The following RUNX2 variants were observed in gnomAD, a reference collection of about 807,000 sequenced individuals.
The protein encoded by RUNX2 is RUNX family transcription factor 2.
In RUNX2, 10 loss-of-function variants were observed where a neutral mutation model predicts 51.7. The ratio of observed to expected loss-of-function variants is 0.19; its 90% CI spans 0.12 to 0.33. The LOEUF is 0.33. RUNX2 is among the 10% of genes least tolerant of loss of function. The pLI is 1.00. For missense variants in RUNX2, 562 were observed against 691.3 expected, an observed-to-expected ratio of 0.81 and a Z score of 2.10; for synonymous variants, 276 against 273.6, an observed-to-expected ratio of 1.01 and a Z score of -0.09.
At chr6:45,517,373 A>T (rs1299600944) in intron 7 of RUNX2, among the ~76,000 whole-genome samples, 1 of 152,054 alleles carries the variant, frequency 6.6e-6, no homozygotes, top group Admixed American at 6.6e-5. Context: ...ACAGGATCTC[A>T]CTATGTTGCC....
chr6:45,471,404 C>CA, intron 5 of RUNX2, among the ~76,000 whole-genome samples: 1 of 151,150 alleles, frequency 6.6e-6, no homozygotes, highest in East Asian at 1.9e-4. Context: ...ATGTAGAACT[C>CA]AAGTGGTACC....
chr6:45,333,232 C>T (rs961116671), intron 2 of RUNX2, among the ~76,000 whole-genome samples: 4 of 151,428 alleles, frequency 2.6e-5, no homozygotes, highest in African/African-American at 7.3e-5. Flanking sequence ...TAATGTGTTA[C>T]GATTCAAAAA....
chr6:45,528,068 G>A (rs1801725874), intron 7 of RUNX2, among the ~76,000 whole-genome samples: 1 of 152,080 alleles, frequency 6.6e-6, no homozygotes, highest in Admixed American at 6.5e-5. Flanking sequence ...TGTGTACAGG[G>A]GGCAGGGGAA....
At chr6:45,394,456 C>A (rs1171176116) in intron 2 of RUNX2, among the ~76,000 whole-genome samples, 1 of 152,202 alleles carries the variant, frequency 6.6e-6, no homozygotes, top group African/African-American at 2.4e-5. Flanking sequence ...TCCCTAGAGA[C>A]TCCTTTTTAA....
At chr6:45,415,395 C>T (rs1438629008) in intron 2 of RUNX2, among the ~76,000 whole-genome samples, 3 of 152,208 alleles carry the variant, frequency 2.0e-5, no homozygotes, top group Non-Finnish European at 4.4e-5. Context: ...CCCTGCACAG[C>T]CTTGGCTCCC....
intron 5 of RUNX2, among the ~76,000 whole-genome samples, chr6:45,450,739 T>C (rs1799145387): frequency 6.6e-6 from 1 of 152,124 alleles, no homozygotes; most frequent in South Asian, 2.1e-4. Flanking sequence ...AGGCAAAAGG[T>C]ACATTGTGTG....
At position 45,422,963 on chromosome 6, in the gene RUNX2, A is replaced by G; in HGVS notation, c.423+6A>G. On this transcript the variant is annotated splice_donor_region_variant and intron_variant, in intron 3 of 8. Transcript: ENST00000647337. ...CCCTGCCCGTGGCCTTCAAGGTAAGAGGCTACACCGCCCCCCGCCCCCGGC... is the reference window on the plus strand; with the variant it reads ...CCCTGCCCGTGGCCTTCAAGGTAAGGGGCTACACCGCCCCCCGCCCCCGGC... 1 of 1,608,906 alleles carries G rather than the reference A, an allele frequency of 6.2e-7. No individual in the cohort carries two copies. Among genetic ancestry groups the G allele is most frequent in the South Asian group, 1.1e-5 (1 of 90,962 alleles).
At chr6:45,368,814 T>C (rs752123854) in intron 2 of RUNX2, among the ~76,000 whole-genome samples, 3 of 152,134 alleles carry the variant, frequency 2.0e-5, no homozygotes, top group Admixed American at 6.6e-5. Flanking sequence ...TATAAATTAA[T>C]AGAAAACTTT....
At chr6:45,334,264 T>C (rs1788094496) in intron 2 of RUNX2, among the ~76,000 whole-genome samples, 1 of 151,204 alleles carries the variant, frequency 6.6e-6, no homozygotes, top group African/African-American at 2.4e-5. Context: ...ACATCAATGA[T>C]GTCTACCAGA....
intron 5 of RUNX2, among the ~76,000 whole-genome samples, chr6:45,486,727 T>A (rs1307786937): frequency 6.6e-6 from 1 of 152,140 alleles, no homozygotes; most frequent in Non-Finnish European, 1.5e-5. Context: ...CATCAGGTTG[T>A]GGATATAATA....
chr6:45,436,605 A>G (rs1798693172), intron 4 of RUNX2, among the ~76,000 whole-genome samples: 1 of 152,174 alleles, frequency 6.6e-6, no homozygotes, highest in Non-Finnish European at 1.5e-5. Flanking sequence ...AAGGAGACTT[A>G]AAACTATTTA....
chr6:45,454,344 T>C (rs1799261136), intron 5 of RUNX2, among the ~76,000 whole-genome samples: 1 of 152,152 alleles, frequency 6.6e-6, no homozygotes, highest in African/African-American at 2.4e-5. Flanking sequence ...TGCAACTGAA[T>C]TGGAAAAAAT....
At chr6:45,369,826 C>A (rs1795759091) in intron 2 of RUNX2, among the ~76,000 whole-genome samples, 1 of 151,880 alleles carries the variant, frequency 6.6e-6, no homozygotes. Context: ...ACTATGAAAT[C>A]AAAAAAACAA....
intron 7 of RUNX2, among the ~76,000 whole-genome samples, chr6:45,526,325 CTTGCATGGTT>C (rs1174224472): frequency 6.6e-6 from 1 of 152,090 alleles, no homozygotes; most frequent in Non-Finnish European, 1.5e-5. Context: ...CTCTCATACC[CTTGCATGGTT>C]TTATGTAATT....
intron 5 of RUNX2, among the ~76,000 whole-genome samples, chr6:45,451,834 C>A (rs1489780001): frequency 2.0e-5 from 3 of 152,178 alleles, no homozygotes; most frequent in Non-Finnish European, 4.4e-5. Context: ...TAAAGTGCAA[C>A]AAAGTGCCAC....
At chr6:45,524,124 A>G (rs2150432912) in intron 7 of RUNX2, among the ~76,000 whole-genome samples, 1 of 152,302 alleles carries the variant, frequency 6.6e-6, no homozygotes. Context: ...TTTTCCTGAA[A>G]TGCAAACAGG....
intron 6 of RUNX2, among the ~76,000 whole-genome samples, chr6:45,506,411 G>A (rs1800967914): frequency 6.6e-6 from 1 of 152,136 alleles, no homozygotes; most frequent in South Asian, 2.1e-4. Flanking sequence ...GGAGAAATAA[G>A]AGTGGAGTCA....
At chr6:45,394,381 G>A (rs973407673) in intron 2 of RUNX2, among the ~76,000 whole-genome samples, 1 of 152,134 alleles carries the variant, frequency 6.6e-6, no homozygotes, top group Admixed American at 6.5e-5. Flanking sequence ...GAGGGGACAA[G>A]CATCCAAGCC....
chr6:45,521,250 C>T (rs1004404597), intron 7 of RUNX2, among the ~76,000 whole-genome samples: 4 of 152,144 alleles, frequency 2.6e-5, no homozygotes, highest in African/African-American at 7.2e-5. Context: ...AGATTTTGTT[C>T]ACCTGGAACA....
Sources: allele counts gnomAD v4.1 joint callset (sites outside exome capture counted in the v4.1 genomes callset), GRCh38; gene constraint gnomAD v4.1.1; transcripts MANE v1.5; gene names NCBI Gene and HGNC (gene_info 2026-07-23, HGNC 2026-07-21).